Variants in TOR1AIP1 observed in about 807,000 individuals in gnomAD.
TOR1AIP1 encodes the protein torsin-1A-interacting protein 1.
In TOR1AIP1, 54 loss-of-function variants were observed where a neutral mutation model predicts 63.3. The ratio of observed to expected loss-of-function variants is 0.85; its 90% CI spans 0.69 to 1.07. TOR1AIP1 has a LOEUF of 1.07. Among genes scored for constraint, TOR1AIP1 ranks in the 50% least tolerant of loss-of-function variants. The pLI, the probability that TOR1AIP1 is intolerant of heterozygous loss-of-function variation, is 0.00. For synonymous variants in TOR1AIP1, 294 were observed against 273.5 expected, an observed-to-expected ratio of 1.07 and a Z score of -0.74; for missense variants, 736 against 715.0, an observed-to-expected ratio of 1.03 and a Z score of -0.33.
Position 179,890,644 on chromosome 1 carries a change from C to T in TOR1AIP1, c.610+1275C>T, listed in dbSNP as rs551834290. 3.3e-5 allele frequency among the ~76,000 whole-genome samples: 5 copies of T among 152,226 alleles called. No homozygotes were observed. In the South Asian group the frequency reaches 1.0e-3, roughly 32 times the overall value. On this transcript the variant is annotated intron_variant, in intron 3 of 9. Coordinates refer to ENST00000606911, the MANE Select transcript of TOR1AIP1 (RefSeq NM_015602.4). ...AGGCAGGGTCTCACTCTCACCCAGGCTGGAGTGCGGTGGCGTGATCTTGGC... is the reference window on the plus strand; with the variant it reads ...AGGCAGGGTCTCACTCTCACCCAGGTTGGAGTGCGGTGGCGTGATCTTGGC...
At chr1:179,898,148 A>T (rs1295273102) in intron 3 of TOR1AIP1, among the ~76,000 whole-genome samples, 1 of 152,126 alleles carries the variant, frequency 6.6e-6, no homozygotes, top group Admixed American at 6.5e-5. Context: ...GTTATGAACA[A>T]GACTGATGAG....
chr1:179,897,787 C>T (rs1216887718), intron 3 of TOR1AIP1, among the ~76,000 whole-genome samples: 10 of 152,022 alleles, frequency 6.6e-5, no homozygotes, highest in East Asian at 1.9e-4. Context: ...AGCTGTCAGC[C>T]GTTTCTTTAT....
At chr1:179,912,408 C>A (rs941359244) in intron 8 of TOR1AIP1, among the ~76,000 whole-genome samples, 1 of 152,140 alleles carries the variant, frequency 6.6e-6, no homozygotes, top group African/African-American at 2.4e-5. Context: ...ATACTTTGGA[C>A]AATGTCCTGC....
Position 179,919,853 on chromosome 1 carries a change from A to G in TOR1AIP1, c.*1614A>G, listed in dbSNP as rs1391259925. Reference sequence around the variant, plus strand: ...TCTTAGAAGTCAGATCATCTGATTTATAGAGGATTATGAAAACCAGAGTTT... The same window carrying G: ...TCTTAGAAGTCAGATCATCTGATTTGTAGAGGATTATGAAAACCAGAGTTT... On this transcript the variant is annotated 3_prime_UTR_variant, in exon 10 of 10. Transcript: ENST00000606911. 1 of 152,212 alleles carries G rather than the reference A, an allele frequency of 6.6e-6. No homozygotes were observed. Among genetic ancestry groups the G allele is most frequent in the Non-Finnish European group, 1.5e-5 (1 of 68,048 alleles). The allele number at this position is 152,212 out of a possible 1,614,324, so 9.4% of individuals were successfully genotyped here. A position where few individuals can be genotyped will look rare whatever the true frequency, so the allele number is the denominator to read the frequency against.
At chr1:179,894,679 T>C (rs1009867379) in intron 3 of TOR1AIP1, among the ~76,000 whole-genome samples, 1 of 151,550 alleles carries the variant, frequency 6.6e-6, no homozygotes, top group Non-Finnish European at 1.5e-5. Context: ...AGAGCAAGAC[T>C]CCATCTCAAA....
At chr1:179,913,906 G>A in intron 8 of TOR1AIP1, 92 bp from the exon 9 acceptor site, 2 of 1,206,270 alleles carry the variant, frequency 1.7e-6, no homozygotes, top group Non-Finnish European at 1.2e-6. Flanking sequence ...TTTTTTTCCT[G>A]GTGGAATTTG....
intron 3 of TOR1AIP1, among the ~76,000 whole-genome samples, chr1:179,898,198 C>T (rs1036339209): frequency 3.9e-5 from 6 of 152,068 alleles, no homozygotes; most frequent in Non-Finnish European, 2.9e-5. Context: ...GAAGAACCTG[C>T]GGTCTTCTGG....
intron 2 of TOR1AIP1, among the ~76,000 whole-genome samples, 182 bp downstream of exon 2, chr1:179,884,951 T>G (rs543215765): frequency 9.3e-4 from 141 of 152,288 alleles, no homozygotes; most frequent in African/African-American, 3.3e-3. Flanking sequence ...AAGAGAAAAC[T>G]GAAACACAGA....
At chr1:179,913,877 C>T in intron 8 of TOR1AIP1, 121 bp from the exon 9 acceptor site, 2 of 894,860 alleles carry the variant, frequency 2.2e-6, no homozygotes, top group East Asian at 2.6e-5. Flanking sequence ...TCTTCTGCTT[C>T]TGGCTGATCT....
In TOR1AIP1 at chr1:179,882,986, C is replaced by A; in HGVS notation, c.475+9C>A. ...CTCTCATTCCTCTGAAGGTGAGGAC[C>A]GCGGAGGTAACAGTCCCAGCCGCGA... On this transcript the variant is annotated intron_variant, in intron 1 of 9. Coordinates refer to ENST00000606911, the MANE Select transcript of TOR1AIP1 (RefSeq NM_015602.4). 2 of 1,602,670 alleles carry A rather than the reference C, an allele frequency of 1.2e-6. No individual in the cohort carries two copies. Among genetic ancestry groups the A allele is most frequent in the Non-Finnish European group, 1.7e-6 (2 of 1,175,390 alleles).
chr1:179,905,814 A>G (rs1648614773), intron 6 of TOR1AIP1, among the ~76,000 whole-genome samples: 1 of 152,050 alleles, frequency 6.6e-6, no homozygotes, highest in Non-Finnish European at 1.5e-5. Context: ...TTAACCACGT[A>G]TGGTGATAGG....
intron 3 of TOR1AIP1, among the ~76,000 whole-genome samples, chr1:179,898,291 A>T (rs1648346819): frequency 6.6e-6 from 1 of 152,156 alleles, no homozygotes; most frequent in South Asian, 2.1e-4. Flanking sequence ...ATCTTCCCTT[A>T]TGATGAGATG....
chr1:179,895,380 A>G (rs1354570542), intron 3 of TOR1AIP1, among the ~76,000 whole-genome samples: 2 of 152,196 alleles, frequency 1.3e-5, no homozygotes, highest in Non-Finnish European at 2.9e-5. Context: ...TGGGAGGCCA[A>G]GGCAGGTGGA....
intron 3 of TOR1AIP1, among the ~76,000 whole-genome samples, chr1:179,898,201 T>C (rs769964007): frequency 9.9e-5 from 15 of 152,072 alleles, no homozygotes; most frequent in African/African-American, 1.2e-4. Flanking sequence ...GAACCTGCGG[T>C]CTTCTGGCTT....
In TOR1AIP1 at chr1:179,892,637, C is replaced by T. The variant is rs563939051; in HGVS notation, c.610+3268C>T. 2.6e-3 allele frequency among the ~76,000 whole-genome samples: 397 copies of T among 151,138 alleles called. 2 individuals carry two copies. The highest frequency in any genetic ancestry group is 9.4e-3 in the African/African-American group (387 of 41,124). ...CCTGTAGTCCCAGCTACTTGGGAGGCTGAGGCAGGAGAATGGCGTGAAGTT... is the reference window on the plus strand; with the variant it reads ...CCTGTAGTCCCAGCTACTTGGGAGGTTGAGGCAGGAGAATGGCGTGAAGTT... On this transcript the variant is annotated intron_variant, in intron 3 of 9. Transcript: ENST00000606911.
At chr1:179,904,946 C>A (rs1648582125) in intron 6 of TOR1AIP1, among the ~76,000 whole-genome samples, 1 of 152,170 alleles carries the variant, frequency 6.6e-6, no homozygotes, top group Admixed American at 6.6e-5. Flanking sequence ...TTTGTTACTA[C>A]TGTTTTTTTC....
chr1:179,890,960 T>G (rs1413263654), intron 3 of TOR1AIP1, among the ~76,000 whole-genome samples: 1 of 152,150 alleles, frequency 6.6e-6, no homozygotes, highest in African/African-American at 2.4e-5. Flanking sequence ...GGGTCCAGAT[T>G]AATAGAATAC....
At chr1:179,889,719 A>G (rs1409209480) in intron 3 of TOR1AIP1, among the ~76,000 whole-genome samples, 1 of 151,598 alleles carries the variant, frequency 6.6e-6, no homozygotes, top group Non-Finnish European at 1.5e-5. Context: ...CAGTGGCACA[A>G]CCAGGGCTGA....
intron 3 of TOR1AIP1, among the ~76,000 whole-genome samples, chr1:179,894,356 A>C (rs899261676): frequency 6.6e-6 from 1 of 152,056 alleles, no homozygotes; most frequent in African/African-American, 2.4e-5. Flanking sequence ...TATATTTATT[A>C]CAACACTCCA....
Sources: allele counts gnomAD v4.1 joint callset (sites outside exome capture counted in the v4.1 genomes callset), GRCh38; gene constraint gnomAD v4.1.1; transcripts MANE v1.5; gene names NCBI Gene and HGNC (gene_info 2026-07-23, HGNC 2026-07-21).